The following HDAC8 variants were observed in gnomAD, a reference collection of about 807,000 sequenced individuals.
The protein encoded by HDAC8 is histone deacetylase-like 1.
A neutral mutation model predicts 32.2 loss-of-function variants in HDAC8; 1 was observed. The observed-to-expected ratio is 0.03, with a 90% confidence interval of 0.01 to 0.15. The LOEUF (loss-of-function observed/expected upper bound fraction) is 0.15. HDAC8 is among the 10% of genes least tolerant of loss of function. The pLI is 1.00. For missense variants in HDAC8, 117 were observed against 300.0 expected, an observed-to-expected ratio of 0.39 and a Z score of 4.51; for synonymous variants, 108 against 113.9, an observed-to-expected ratio of 0.95 and a Z score of 0.33.
chrX:72,351,691 T>A (rs1555948906), intron 10 of HDAC8, 42 bp downstream of exon 10: 3 of 991,819 alleles, frequency 3.0e-6, no homozygotes, highest in African/African-American at 1.9e-5. Flanking sequence ...CACCACAAAC[T>A]GGGTGGAACA....
intron 9 of HDAC8, among the ~76,000 whole-genome samples, chrX:72,375,214 GAACA>G (rs1340216778): frequency 8.9e-6 from 1 of 112,251 alleles, no homozygotes; most frequent in Non-Finnish European, 1.9e-5. Flanking sequence ...CAGAGAAAGA[GAACA>G]AATAGGATAT....
At chrX:72,543,924 A>G (rs782623627) in intron 4 of HDAC8, among the ~76,000 whole-genome samples, 1 of 112,798 alleles carries the variant, frequency 8.9e-6, no homozygotes, top group South Asian at 3.7e-4. Context: ...GGCACATGGA[A>G]CAGAAACTTC....
At chrX:72,342,218 C>T (rs1165234200) in intron 10 of HDAC8, among the ~76,000 whole-genome samples, 3 of 112,743 alleles carry the variant, frequency 2.7e-5, no homozygotes, top group Non-Finnish European at 5.6e-5. Context: ...TTTCCTTTCT[C>T]AAAAGACTGT....
At chrX:72,496,526 G>A (rs2049024832) in intron 4 of HDAC8, among the ~76,000 whole-genome samples, 1 of 111,041 alleles carries the variant, frequency 9.0e-6, no homozygotes, top group African/African-American at 3.3e-5. Context: ...GTGTGATTTT[G>A]GAAGTTCTTA....
intron 9 of HDAC8, among the ~76,000 whole-genome samples, chrX:72,441,005 C>G (rs1555981534): frequency 1.8e-5 from 2 of 113,209 alleles, no homozygotes; most frequent in African/African-American, 6.4e-5. Context: ...ATTGCCCAGG[C>G]TTGCTTAGGT....
At chrX:72,559,023 A>G (rs1893877919) in intron 4 of HDAC8, among the ~76,000 whole-genome samples, 1 of 87,766 alleles carries the variant, frequency 1.1e-5, no homozygotes, top group African/African-American at 4.2e-5. Flanking sequence ...TTAAGAATAT[A>G]CCTAGCTTCT....
At chrX:72,572,455 G>A (rs1045378372) in intron 1 of HDAC8, 196 bp downstream of exon 1, 4 of 415,273 alleles carry the variant, frequency 9.6e-6, no homozygotes, top group Non-Finnish European at 1.6e-5. Flanking sequence ...TGGACGTCCC[G>A]AAGAGACATG....
chrX:72,538,583 A>C (rs1247479263), intron 4 of HDAC8, among the ~76,000 whole-genome samples: 9 of 112,080 alleles, frequency 8.0e-5, no homozygotes, highest in African/African-American at 2.9e-4. Flanking sequence ...AATTAGTTTT[A>C]GATACAAACT....
chrX:72,479,054 A>G (rs190360500), intron 7 of HDAC8, among the ~76,000 whole-genome samples: 28 of 111,758 alleles, frequency 2.5e-4, no homozygotes, highest in Non-Finnish European at 4.7e-4. Flanking sequence ...ACGTAACATC[A>G]GGCTTTTTCA....
chrX:72,333,787 C>T lies in HDAC8; in HGVS notation c.1112-3711G>A, dbSNP rs185173208. Among the ~76,000 whole-genome samples, 370 of 111,090 alleles carry T rather than the reference C, an allele frequency of 3.3e-3. 1 individual carries two copies. Among genetic ancestry groups the T allele is most frequent in the African/African-American group, 0.011 (340 of 30,629 alleles). On this transcript the variant is annotated intron_variant, in intron 10 of 10. Transcript: ENST00000373573. ...CGTAAATGGGCCCCATCCATGCTTT[C>T]CTGTTTCCACACCTTCGCTTGTGTT...
chrX:72,446,428 C>T lies in HDAC8; in HGVS notation c.1005+15576G>A, dbSNP rs782608070. Among the ~76,000 whole-genome samples the T allele has an allele frequency of 4.2e-4, 46 of 110,193 alleles. 1 individual carries two copies. The highest frequency in any genetic ancestry group is 2.8e-4 in the East Asian group (1 of 3,521). ...GAAATCATCATTCTCAGTAAACTAT[C>T]GCAAGGACAAAAAACCAAACACTGC... On this transcript the variant is annotated intron_variant, in intron 9 of 10. Coordinates refer to ENST00000373573, the MANE Select transcript of HDAC8 (RefSeq NM_018486.3).
At chrX:72,458,476 T>C in intron 9 of HDAC8, among the ~76,000 whole-genome samples, 1 of 112,526 alleles carries the variant, frequency 8.9e-6, no homozygotes, top group Non-Finnish European at 1.9e-5. Flanking sequence ...CTGTTTCCTA[T>C]AGCTGGGCTA....
chrX:72,353,263 G>A (rs782178790), intron 9 of HDAC8, among the ~76,000 whole-genome samples: 2 of 111,949 alleles, frequency 1.8e-5, no homozygotes, highest in East Asian at 5.6e-4. Context: ...ATTGGGAGAT[G>A]GTTTTGCATA....
intron 4 of HDAC8, among the ~76,000 whole-genome samples, chrX:72,519,642 T>A: frequency 8.9e-6 from 1 of 111,872 alleles, no homozygotes; most frequent in Non-Finnish European, 1.9e-5. Context: ...CAGGCTGTAG[T>A]GTAGTGGCAC....
intron 9 of HDAC8, among the ~76,000 whole-genome samples, chrX:72,445,678 T>C (rs1192823296): frequency 1.3e-4 from 15 of 111,564 alleles, no homozygotes; most frequent in African/African-American, 2.0e-4. Context: ...CCAAAATTGA[T>C]AAATGGGATC....
chrX:72,338,161 G>C (rs2043767516), intron 10 of HDAC8, among the ~76,000 whole-genome samples: 1 of 111,473 alleles, frequency 9.0e-6, no homozygotes, highest in Non-Finnish European at 1.9e-5. Context: ...CTCGCTGTTG[G>C]CTTCCTCTCA....
At chrX:72,530,293 G>T (rs781917649) in intron 4 of HDAC8, among the ~76,000 whole-genome samples, 29 of 111,636 alleles carry the variant, frequency 2.6e-4, no homozygotes, top group African/African-American at 7.8e-4. Context: ...TACTTGGGAG[G>T]GTACTTCTAG....
intron 2 of HDAC8, among the ~76,000 whole-genome samples, chrX:72,571,333 A>G (rs2052038421): frequency 9.0e-6 from 1 of 110,792 alleles, no homozygotes; most frequent in African/African-American, 3.3e-5. Context: ...GCTTAGAATG[A>G]AACGAAATCA....
At chrX:72,523,508 G>A (rs782664411) in intron 4 of HDAC8, among the ~76,000 whole-genome samples, 15 of 110,773 alleles carry the variant, frequency 1.4e-4, no homozygotes, top group Admixed American at 4.8e-4. Flanking sequence ...ACTTCTTTAT[G>A]GTTCCCTTCC....
Sources: gnomAD v4.1 joint callset for allele counts (sites outside exome capture counted in the v4.1 genomes callset) on GRCh38, gnomAD v4.1.1 for gene constraint, MANE v1.5 for transcripts, NCBI Gene and HGNC (gene_info 2026-07-23, HGNC 2026-07-21) for gene names.